AUTS2: variants seen among roughly 807,000 people sequenced by gnomAD.
AUTS2 encodes autism susceptibility gene 2 protein.
Under a neutral mutation model 112.4 loss-of-function variants are expected in AUTS2, and 17 were observed. The ratio of observed to expected loss-of-function variants is 0.15; its 90% CI spans 0.10 to 0.23. AUTS2 has a LOEUF of 0.23. Ranked by LOEUF, AUTS2 falls within the 10% of genes least tolerant of loss-of-function variation. The probability of loss-of-function intolerance (pLI) is 1.00; values close to 1 mark genes in which losing one functional copy is unlikely to be tolerated. For missense variants in AUTS2, 1,510 were observed against 1,701.6 expected, an observed-to-expected ratio of 0.89 and a Z score of 1.98; for synonymous variants, 751 against 702.7, an observed-to-expected ratio of 1.07 and a Z score of -1.09.
At chr7:70,658,691 C>T (rs971353411) in intron 5 of AUTS2, among the ~76,000 whole-genome samples, 4 of 152,318 alleles carry the variant, frequency 2.6e-5, no homozygotes, top group African/African-American at 7.2e-5. Context: ...GTCTTGGAAA[C>T]TTTCTCTACA....
chr7:70,208,039 CA>C (rs1268487183), intron 4 of AUTS2, among the ~76,000 whole-genome samples: 19 of 120,900 alleles, frequency 1.6e-4, no homozygotes, highest in East Asian at 7.2e-4. Context: ...AAAAAACCAA[CA>C]AAAAATTATC....
chr7:70,123,395 GTT>G (rs1805792578), intron 3 of AUTS2, among the ~76,000 whole-genome samples: 1 of 152,056 alleles, frequency 6.6e-6, no homozygotes, highest in African/African-American at 2.4e-5. Context: ...TGTGACATGA[GTT>G]TCATCACCCA....
intron 1 of AUTS2, among the ~76,000 whole-genome samples, chr7:69,699,023 G>A (rs1797682250): frequency 6.6e-6 from 1 of 151,952 alleles, no homozygotes; most frequent in Non-Finnish European, 1.5e-5. Context: ...TATTAAATTG[G>A]TGTTTATCTC....
intron 1 of AUTS2, among the ~76,000 whole-genome samples, chr7:69,771,746 T>A (rs1476843296): frequency 6.6e-6 from 1 of 151,696 alleles, no homozygotes. Context: ...CAGGTTTTTT[T>A]ATTTCGGTTC....
rs1792083534 is a variant in AUTS2 at position 70,793,383 on chromosome 7, CTCTTT to C, written c.*2389_*2393del. ...TTTTTTTCCTGTCTTAGCTTTTTCT[CTCTTT>C]TAATTACGTGGTGTAGTCCTCATCA... is the stretch of plus-strand genomic sequence containing the variant. On this transcript the variant is annotated 3_prime_UTR_variant, in exon 19 of 19. Transcript: ENST00000342771. 1 of 151,920 alleles carries C rather than the reference CTCTTT, an allele frequency of 6.6e-6. No individual in the cohort carries two copies. The highest frequency in any genetic ancestry group is 6.6e-5 in the Admixed American group (1 of 15,252). The allele number at this position is 151,920 out of a possible 1,614,324, so 9.4% of individuals were successfully genotyped here.
At chr7:70,246,078 A>G (rs770105207) in intron 4 of AUTS2, among the ~76,000 whole-genome samples, 51 of 152,060 alleles carry the variant, frequency 3.4e-4, no homozygotes, top group Non-Finnish European at 8.8e-5. Context: ...CAGTTATAAG[A>G]GTGCTTTATA....
At chr7:69,780,809 T>G (rs1182691465) in intron 1 of AUTS2, among the ~76,000 whole-genome samples, 5 of 152,222 alleles carry the variant, frequency 3.3e-5, no homozygotes, top group Admixed American at 6.5e-5. Context: ...TTCATTGCTA[T>G]TCCTGAGTCT....
At chr7:70,115,620 C>T (rs1241894409) in intron 2 of AUTS2, among the ~76,000 whole-genome samples, 1 of 152,214 alleles carries the variant, frequency 6.6e-6, no homozygotes, top group East Asian at 1.9e-4. Context: ...ATGTAAACAT[C>T]TAACTGTGCA....
chr7:70,182,290 T>C (rs552757960), intron 4 of AUTS2, among the ~76,000 whole-genome samples: 46 of 152,350 alleles, frequency 3.0e-4, no homozygotes, highest in African/African-American at 1.0e-3. Flanking sequence ...TTCCCTTTCA[T>C]GCCTCTCAGT....
chr7:69,988,378 T>C (rs1202673283), intron 2 of AUTS2, among the ~76,000 whole-genome samples: 1 of 152,182 alleles, frequency 6.6e-6, no homozygotes, highest in Admixed American at 6.5e-5. Flanking sequence ...AATGTTGTTT[T>C]TTTCTGGCCT....
At chr7:69,994,704 A>G (rs1449726873) in intron 2 of AUTS2, among the ~76,000 whole-genome samples, 3 of 152,184 alleles carry the variant, frequency 2.0e-5, no homozygotes, top group East Asian at 3.9e-4. Flanking sequence ...ATTTACTGGT[A>G]TGTTGATTCG....
At chr7:70,265,168 T>A (rs1319518915) in intron 4 of AUTS2, among the ~76,000 whole-genome samples, 1 of 152,108 alleles carries the variant, frequency 6.6e-6, no homozygotes, top group Non-Finnish European at 1.5e-5. Context: ...TTGAAAAAAA[T>A]TTTATAATCA....
chr7:70,056,148 C>T (rs1002311425), intron 2 of AUTS2, among the ~76,000 whole-genome samples: 34 of 151,638 alleles, frequency 2.2e-4, no homozygotes, highest in African/African-American at 5.6e-4. Flanking sequence ...CCACCGTGCC[C>T]GGCTAATTTT....
intron 4 of AUTS2, among the ~76,000 whole-genome samples, chr7:70,205,334 A>C (rs1810516589): frequency 6.6e-6 from 1 of 152,104 alleles, no homozygotes; most frequent in Non-Finnish European, 1.5e-5. Flanking sequence ...TTAATCCTTT[A>C]ATAGTCCCAC....
At chr7:70,661,477 AAC>A (rs1352125723) in intron 5 of AUTS2, among the ~76,000 whole-genome samples, 7 of 152,134 alleles carry the variant, frequency 4.6e-5, no homozygotes, top group African/African-American at 1.4e-4. Flanking sequence ...GACATCCTGA[AAC>A]ACACACGCTT....
rs376283748 is a variant in AUTS2 at position 70,775,424 on chromosome 7, A to G, written c.1932+38A>G. 2.2e-5 allele frequency: 34 copies of G among 1,550,088 alleles called. No individual in the cohort carries two copies. In the African/African-American group the frequency reaches 4.0e-4, roughly 18 times the overall value. On this transcript the variant is annotated intron_variant, in intron 13 of 18. Transcript: ENST00000342771. ...CTTATAGAACTGTTTTGCAACCTCT[A>G]TTTGACTCCCTGTGGGTTAAAAATA...
chr7:70,488,036 G>T (rs533441434), intron 5 of AUTS2, among the ~76,000 whole-genome samples: 1 of 152,204 alleles, frequency 6.6e-6, no homozygotes, highest in Non-Finnish European at 1.5e-5. Context: ...GAACGGAGCC[G>T]AGTCCAGAAA....
intron 2 of AUTS2, among the ~76,000 whole-genome samples, chr7:69,992,043 G>A (rs1002601140): frequency 6.6e-6 from 1 of 152,166 alleles, no homozygotes; most frequent in Non-Finnish European, 1.5e-5. Flanking sequence ...AGGTGTTGAA[G>A]TCATTTTATC....
At chr7:70,723,134 T>C (rs1231268553) in intron 6 of AUTS2, among the ~76,000 whole-genome samples, 1 of 152,240 alleles carries the variant, frequency 6.6e-6, no homozygotes, top group Non-Finnish European at 1.5e-5. Flanking sequence ...TATAATGCTC[T>C]CTTCCCTAAT....
Sources: allele counts gnomAD v4.1 joint callset (sites outside exome capture counted in the v4.1 genomes callset), GRCh38; gene constraint gnomAD v4.1.1; transcripts MANE v1.5; gene names NCBI Gene and HGNC (gene_info 2026-07-23, HGNC 2026-07-21).